The following ZC4H2 variants were observed in gnomAD, a reference collection of about 807,000 sequenced individuals.
ZC4H2 encodes the protein zinc finger C4H2-type containing.
For missense variants in ZC4H2, 137 were observed against 173.9 expected (o/e 0.79, Z 1.19); for synonymous variants, 84 against 66.3 (o/e 1.27, Z -1.30).
chrX:64,917,966 T>A (rs1371068458), intron 4 of ZC4H2, 70 bp from the exon 5 acceptor site: 5 of 1,111,048 alleles, frequency 4.5e-6, no homozygotes, highest in Non-Finnish European at 6.0e-6. Context: ...GACTTCTGAT[T>A]CCCCAGGGGC....
chrX:64,958,351 G>A (rs1042224911), intron 1 of ZC4H2, among the ~76,000 whole-genome samples: 4 of 111,888 alleles, frequency 3.6e-5, no homozygotes, highest in Non-Finnish European at 7.5e-5. Context: ...ATTGTTCACT[G>A]AAACATCATT....
At chrX:64,998,433 T>G (rs1379516861) in intron 1 of ZC4H2, among the ~76,000 whole-genome samples, 1 of 112,044 alleles carries the variant, frequency 8.9e-6, no homozygotes, top group Admixed American at 9.4e-5. Context: ...TATTATACAT[T>G]GAGAAAAAGG....
At chrX:64,951,336 A>G (rs1156449479) in intron 1 of ZC4H2, among the ~76,000 whole-genome samples, 4 of 111,862 alleles carry the variant, frequency 3.6e-5, no homozygotes, top group Admixed American at 9.5e-5. Flanking sequence ...TGGCTGGGTC[A>G]AATGGTATTT....
intron 1 of ZC4H2, among the ~76,000 whole-genome samples, chrX:65,008,350 G>C (rs981770040): frequency 1.8e-5 from 2 of 111,861 alleles, no homozygotes; most frequent in African/African-American, 3.2e-5. Context: ...GAGAACCCCT[G>C]TACACAGTTG....
Position 64,934,480 on chromosome X carries a change from G to A in ZC4H2, c.54-12492C>T, listed in dbSNP as rs138077599. 5.9e-3 allele frequency among the ~76,000 whole-genome samples: 660 copies of A among 112,164 alleles called. 3 individuals carry two copies. The highest frequency in any genetic ancestry group is 0.018 in the African/African-American group (563 of 30,865). On this transcript the variant is annotated intron_variant, in intron 1 of 4. Transcript: ENST00000374839. ...TGTTCATAGTTATTATTCTTTTGAT[G>A]CCTGTGGGGTCTGCAGCAATATCCT...
At chrX:64,958,221 A>C (rs1931235219) in intron 1 of ZC4H2, among the ~76,000 whole-genome samples, 1 of 112,446 alleles carries the variant, frequency 8.9e-6, no homozygotes. Context: ...GCAGTGCAGT[A>C]TCATCACAAA....
chrX:64,943,323 A>G (rs1297211337), intron 1 of ZC4H2, among the ~76,000 whole-genome samples: 1 of 111,964 alleles, frequency 8.9e-6, no homozygotes, highest in Non-Finnish European at 1.9e-5. Context: ...TGGAGTGAAG[A>G]GTTCTGTAGA....
intron 1 of ZC4H2, among the ~76,000 whole-genome samples, chrX:65,022,555 C>T (rs188184188): frequency 3.6e-5 from 4 of 111,531 alleles, no homozygotes; most frequent in Non-Finnish European, 7.5e-5. Flanking sequence ...TATGACAAAC[C>T]CACAGCCAAT....
Position 65,006,810 on chromosome X carries a change from A to G in ZC4H2, c.-272+27819T>C, listed in dbSNP as rs762798509. On this transcript the variant is annotated intron_variant, in intron 1 of 4. Coordinates refer to the ZC4H2 transcript ENST00000337990. ...ATTATGCAGCATATAACTGTATTTT[A>G]AACTGCTTTTCAATTTTAAACATTA... Among the ~76,000 whole-genome samples the G allele has an allele frequency of 7.1e-5, 8 of 112,307 alleles. No individual in the cohort carries two copies. In the South Asian group the frequency reaches 2.9e-3, roughly 41 times the overall value.
At position 64,918,028 on chromosome X, in the gene ZC4H2, A is replaced by T. The variant is rs1929013233; in HGVS notation, c.562-132T>A. 1.9e-5 allele frequency: 14 copies of T among 735,912 alleles called. No individual in the cohort carries two copies. In the Admixed American group the frequency reaches 5.3e-4, roughly 28 times the overall value. 60.6% of individuals were successfully genotyped at this position (735,912 alleles called of 1,213,427 possible). A position where few individuals can be genotyped will look rare whatever the true frequency, so the allele number is the denominator to read the frequency against. ...GAAGAGAGCAATAATCAGTGAGTAG[A>T]CTCAAGTATTCTTGGATGCCATGGA... On this transcript the variant is annotated intron_variant, in intron 4 of 4. Transcript: ENST00000374839.
intron 1 of ZC4H2, among the ~76,000 whole-genome samples, chrX:64,970,662 G>C (rs1179002900): frequency 1.8e-5 from 2 of 111,845 alleles, no homozygotes; most frequent in Admixed American, 1.9e-4. Flanking sequence ...TGGGGAACTC[G>C]AGAAGGTTTT....
At chrX:64,919,671 C>T (rs1374135530) in intron 3 of ZC4H2, 6 of 144,316 alleles carry the variant, frequency 4.2e-5, no homozygotes, top group Non-Finnish European at 8.0e-5. Flanking sequence ...GAAGTAAGTC[C>T]CAGGCCACTT....
intron 1 of ZC4H2, among the ~76,000 whole-genome samples, chrX:64,951,720 G>A (rs1381618212): frequency 2.7e-5 from 3 of 110,232 alleles, no homozygotes; most frequent in Admixed American, 9.6e-5. Context: ...AGATGAGTAG[G>A]TTGCAAAAAT....
At position 64,948,006 on chromosome X, in the gene ZC4H2, T is replaced by C. The variant is rs867442964; in HGVS notation, c.54-26018A>G. On this transcript the variant is annotated intron_variant, in intron 1 of 4. Coordinates refer to ENST00000374839, the MANE Select transcript of ZC4H2 (RefSeq NM_018684.4). The stretch of plus-strand genomic sequence containing the variant: ...CTGATTTTTTTCTTTTAACAGATGA[T>C]GTCAGAAGTGGCATCTGAAGTAGAA... Among the ~76,000 whole-genome samples, 4 of 111,631 alleles carry C rather than the reference T, an allele frequency of 3.6e-5. No individual in the cohort carries two copies. The South Asian group carries it at 1.1e-3, about 32-fold the overall frequency.
At chrX:65,003,297 A>G (rs1352460136) in intron 1 of ZC4H2, among the ~76,000 whole-genome samples, 1 of 111,741 alleles carries the variant, frequency 8.9e-6, no homozygotes, top group African/African-American at 3.3e-5. Context: ...TCAGAGGGAA[A>G]TTTATAGCAC....
At chrX:64,991,264 G>A (rs1011090959) in intron 1 of ZC4H2, among the ~76,000 whole-genome samples, 1 of 112,159 alleles carries the variant, frequency 8.9e-6, no homozygotes, top group African/African-American at 3.2e-5. Flanking sequence ...GATGGTGATT[G>A]TATAAGAGTT....
chrX:65,012,224 CAAAA>C (rs10606871), intron 1 of ZC4H2, among the ~76,000 whole-genome samples: 77 of 25,330 alleles, frequency 3.0e-3, no homozygotes, highest in African/African-American at 6.5e-3. Context: ...GACCCCGTCT[CAAAA>C]AAAAAAAAAA....
chrX:65,006,605 T>A lies in ZC4H2; in HGVS notation c.-272+28024A>T, dbSNP rs961790601. 4.5e-5 allele frequency among the ~76,000 whole-genome samples: 5 copies of A among 110,511 alleles called. No homozygotes were observed. In the Middle Eastern group the frequency reaches 0.014, roughly 311 times the overall value. ...GGATAGCATTAGGAGATATACCTAA[T>A]GTAAATGACAAGTTAATGGGTGCAG... On this transcript the variant is annotated intron_variant, in intron 1 of 4. Coordinates refer to the ZC4H2 transcript ENST00000337990.
chrX:64,921,681 T>C (rs530370494), intron 2 of ZC4H2, 136 bp downstream of exon 2: 5 of 666,414 alleles, frequency 7.5e-6, no homozygotes, highest in African/African-American at 6.7e-5. Flanking sequence ...ACTCCTGAAT[T>C]CTTCTGCTCT....
Sources: allele counts gnomAD v4.1 joint callset (sites outside exome capture counted in the v4.1 genomes callset), GRCh38; gene constraint gnomAD v4.1.1; transcripts MANE v1.5; gene names NCBI Gene and HGNC (gene_info 2026-07-23, HGNC 2026-07-21).